Variants in TSPAN12 observed in about 807,000 individuals in gnomAD.
The protein encoded by TSPAN12 is tetraspanin 12.
TSPAN12 carries 19 observed loss-of-function variants against 39.2 expected under a neutral mutation model. The observed-to-expected ratio is 0.49, with a 90% CI of 0.34 to 0.71. The LOEUF is 0.71. Among genes scored for constraint, TSPAN12 ranks in the 30% least tolerant of loss-of-function variants. TSPAN12 has a pLI of 0.01. For synonymous variants in TSPAN12, 119 were observed against 124.8 expected, an observed-to-expected ratio of 0.95 and a Z score of 0.31; for missense variants, 314 against 359.9, an observed-to-expected ratio of 0.87 and a Z score of 1.03.
intron 7 of TSPAN12, among the ~76,000 whole-genome samples, 175 bp from the exon 8 acceptor site, chr7:120,789,072 T>C (rs1209051133): frequency 6.6e-6 from 1 of 152,206 alleles, no homozygotes; most frequent in African/African-American, 2.4e-5. Context: ...GGGAGGTGTG[T>C]AGCTTTTGAA....
chr7:120,841,958 G>C (rs182727697), intron 2 of TSPAN12, among the ~76,000 whole-genome samples: 24 of 152,280 alleles, frequency 1.6e-4, no homozygotes, highest in African/African-American at 5.5e-4. Flanking sequence ...CCTAAGTTCT[G>C]AATGTCTTTC....
At chr7:120,851,381 G>A (rs1387559575) in intron 2 of TSPAN12, among the ~76,000 whole-genome samples, 1 of 151,926 alleles carries the variant, frequency 6.6e-6, no homozygotes, top group Non-Finnish European at 1.5e-5. Context: ...ATTTAATCAG[G>A]GTAGTTCTTC....
At chr7:120,796,289 A>G (rs1220874580) in intron 7 of TSPAN12, among the ~76,000 whole-genome samples, 1 of 152,228 alleles carries the variant, frequency 6.6e-6, no homozygotes, top group Non-Finnish European at 1.5e-5. Flanking sequence ...ACCAAGTCCC[A>G]AAAACTTTGA....
chr7:120,813,681 G>A (rs1338540273), intron 5 of TSPAN12, among the ~76,000 whole-genome samples: 4 of 152,030 alleles, frequency 2.6e-5, no homozygotes, highest in South Asian at 2.1e-4. Context: ...AAAAAGCTGA[G>A]GTAACAGGAT....
chr7:120,789,549 T>C (rs1205296371), intron 7 of TSPAN12, among the ~76,000 whole-genome samples: 4 of 152,186 alleles, frequency 2.6e-5, no homozygotes, highest in African/African-American at 9.7e-5. Context: ...CACCAAAATT[T>C]AAGTATTTTA....
chr7:120,803,446 A>G (rs944836516), intron 7 of TSPAN12, among the ~76,000 whole-genome samples: 11 of 152,146 alleles, frequency 7.2e-5, no homozygotes, highest in Non-Finnish European at 1.3e-4. Flanking sequence ...ATTAGGAAAC[A>G]TATGTTCTCC....
intron 1 of TSPAN12, chr7:120,857,501 T>TGGGCGGG (rs1040064254): frequency 1.1e-5 from 1 of 89,606 alleles, no homozygotes; most frequent in African/African-American, 4.3e-5. Context: ...CCTGGGACAG[T>TGGGCGGG]GGGCGGGGGG....
Position 120,788,664 on chromosome 7 carries a change from G to C in TSPAN12, c.846C>G (p.Ser282Arg). 1 of 1,614,064 alleles carries C rather than the reference G, an allele frequency of 6.2e-7. No homozygotes were observed. Among genetic ancestry groups the C allele is most frequent in the Non-Finnish European group, 8.5e-7 (1 of 1,179,992 alleles). ...SCPSVELLKP[S>R]LSRIFEHTSM... ...ATGTGTGTTCAAAGATTCTTGACAGGCTTGGTTTCAACAGTTCTACTGAGG... is the reference window on the plus strand; with the variant it reads ...ATGTGTGTTCAAAGATTCTTGACAGCCTTGGTTTCAACAGTTCTACTGAGG... Residue 282 changes from serine to arginine, a missense_variant, in exon 8 of 8, where the codon AGC (serine) becomes AGG (arginine). Ser to Arg is a moderately radical substitution (Grantham distance 110). Transcript: ENST00000222747.
At chr7:120,792,052 C>T (rs577349648) in intron 7 of TSPAN12, among the ~76,000 whole-genome samples, 2 of 152,112 alleles carry the variant, frequency 1.3e-5, no homozygotes, top group Admixed American at 1.3e-4. Context: ...ATCTGAGGAG[C>T]GTTTATTCAC....
intron 4 of TSPAN12, among the ~76,000 whole-genome samples, chr7:120,831,968 T>C (rs976803401): frequency 1.3e-5 from 2 of 151,788 alleles, no homozygotes; most frequent in African/African-American, 4.8e-5. Flanking sequence ...TAAAAAATTT[T>C]AAATTATAAC....
chr7:120,856,622 T>C (rs1465528632), intron 2 of TSPAN12, 76 bp downstream of exon 2: 1 of 1,434,398 alleles, frequency 7.0e-7, no homozygotes, highest in Non-Finnish European at 9.8e-7. Context: ...AGCCATGCCC[T>C]TTGGCGCATT....
At chr7:120,814,173 G>C in intron 5 of TSPAN12, 1 of 456,504 alleles carries the variant, frequency 2.2e-6, no homozygotes, top group Non-Finnish European at 4.4e-6. Context: ...ATTCACCAAA[G>C]AATCTTTGAA....
chr7:120,789,644 A>G (rs114757567), intron 7 of TSPAN12, among the ~76,000 whole-genome samples: 46 of 152,354 alleles, frequency 3.0e-4, no homozygotes, highest in African/African-American at 1.1e-3. Context: ...TATATGACAC[A>G]GTGATACAGG....
intron 2 of TSPAN12, among the ~76,000 whole-genome samples, chr7:120,848,229 T>C (rs1794709188): frequency 6.6e-6 from 1 of 152,162 alleles, no homozygotes; most frequent in Admixed American, 6.5e-5. Context: ...ACAGATCTTT[T>C]CCCTCTTAAT....
intron 2 of TSPAN12, among the ~76,000 whole-genome samples, chr7:120,855,421 G>T (rs1794852571): frequency 6.6e-6 from 1 of 152,152 alleles, no homozygotes; most frequent in Non-Finnish European, 1.5e-5. Flanking sequence ...TGAAAAACTA[G>T]TAAACAGGAG....
rs529688722 is a variant in TSPAN12, at chr7:120,854,773, T to G, written c.66+1925A>C. The stretch of plus-strand genomic sequence containing the variant: ...GGACAGGTATGAGTAAATCTATCTT[T>G]GTATGAAACAAAATAAAGAAAAACG... On this transcript the variant is annotated intron_variant, in intron 2 of 7. Coordinates refer to ENST00000222747, the MANE Select transcript of TSPAN12 (RefSeq NM_012338.4). 2.0e-5 allele frequency among the ~76,000 whole-genome samples: 3 copies of G among 152,314 alleles called. 1 individual carries two copies. The South Asian group carries it at 6.2e-4, about 32-fold the overall frequency.
In TSPAN12 at chr7:120,835,559, T is replaced by C. The variant is rs556446619; in HGVS notation, c.285+3218A>G. 2.0e-5 allele frequency among the ~76,000 whole-genome samples: 3 copies of C among 152,286 alleles called. No individual in the cohort carries two copies. In the South Asian group the frequency reaches 6.2e-4, roughly 32 times the overall value. ...GTAGACTTAGGCAACTCACTTAATCTCTCTATGCCTCATTTCCTCATCTAT... is the reference window on the plus strand; with the variant it reads ...GTAGACTTAGGCAACTCACTTAATCCCTCTATGCCTCATTTCCTCATCTAT... On this transcript the variant is annotated intron_variant, in intron 4 of 7. Transcript: ENST00000222747.
intron 3 of TSPAN12, among the ~76,000 whole-genome samples, chr7:120,839,239 T>A (rs1391829125): frequency 6.6e-6 from 1 of 152,180 alleles, no homozygotes; most frequent in East Asian, 1.9e-4. Flanking sequence ...GTAAATCACA[T>A]GGGAGCCTTT....
chr7:120,856,811 C>A lies in TSPAN12; in HGVS notation c.-48G>T, dbSNP rs764566287. On this transcript the variant is annotated 5_prime_UTR_variant, in exon 2 of 8. Coordinates refer to ENST00000222747, the MANE Select transcript of TSPAN12 (RefSeq NM_012338.4). Reference sequence around the variant, plus strand: ...CCCCATCCTTTCACCACATCCTACTCCCAAGGGCAAAACGGCAGCGATCTG... The same window carrying A: ...CCCCATCCTTTCACCACATCCTACTACCAAGGGCAAAACGGCAGCGATCTG... 1.9e-6 allele frequency: 3 copies of A among 1,606,310 alleles called. No individual in the cohort carries two copies. The South Asian group carries it at 3.3e-5, about 18-fold the overall frequency.
Sources: allele counts gnomAD v4.1 joint callset (sites outside exome capture counted in the v4.1 genomes callset), GRCh38; gene constraint gnomAD v4.1.1; transcripts MANE v1.5; gene names NCBI Gene and HGNC (gene_info 2026-07-23, HGNC 2026-07-21).